The following ST6GALNAC3 variants were observed in gnomAD, a reference collection of about 807,000 sequenced individuals.
ST6GALNAC3 encodes alpha-N-acetylgalactosaminide alpha-2,6-sialyltransferase 3.
ST6GALNAC3 carries 25 observed loss-of-function variants against 32.7 expected under a neutral mutation model. The observed-to-expected ratio is 0.76, with a 90% confidence interval of 0.56 to 1.07. ST6GALNAC3 has a LOEUF of 1.07. Ranked by LOEUF, ST6GALNAC3 falls within the 50% of genes least tolerant of loss-of-function variation. The pLI is 0.00. For synonymous variants in ST6GALNAC3, 129 were observed against 133.1 expected (o/e 0.97, Z 0.21); for missense variants, 355 against 382.4 (o/e 0.93, Z 0.60).
chr1:76,532,316 G>A (rs1663310339), intron 3 of ST6GALNAC3, among the ~76,000 whole-genome samples: 1 of 152,166 alleles, frequency 6.6e-6, no homozygotes, highest in Non-Finnish European at 1.5e-5. Flanking sequence ...ACCATGTGGT[G>A]ATTATGACAA....
At chr1:76,435,973 A>G (rs1412240786) in intron 3 of ST6GALNAC3, among the ~76,000 whole-genome samples, 1 of 152,004 alleles carries the variant, frequency 6.6e-6, no homozygotes, top group Non-Finnish European at 1.5e-5. Context: ...CATCACCCAA[A>G]CAGTACACAC....
intron 2 of ST6GALNAC3, among the ~76,000 whole-genome samples, chr1:76,404,190 A>G (rs1653643696): frequency 6.6e-6 from 1 of 152,108 alleles, no homozygotes; most frequent in African/African-American, 2.4e-5. Context: ...AAATCCACAT[A>G]GAGTCAGAGC....
intron 3 of ST6GALNAC3, among the ~76,000 whole-genome samples, chr1:76,610,800 G>A (rs1210039269): frequency 6.6e-6 from 1 of 152,040 alleles, no homozygotes; most frequent in Non-Finnish European, 1.5e-5. Flanking sequence ...ACACAATTAA[G>A]GGTTTAGGCA....
At chr1:76,403,514 A>G (rs1653584547) in intron 2 of ST6GALNAC3, among the ~76,000 whole-genome samples, 1 of 152,078 alleles carries the variant, frequency 6.6e-6, no homozygotes, top group South Asian at 2.1e-4. Flanking sequence ...AAACCTAGGC[A>G]TCTATTGGAA....
At chr1:76,459,083 T>C (rs934559867) in intron 3 of ST6GALNAC3, among the ~76,000 whole-genome samples, 3 of 152,160 alleles carry the variant, frequency 2.0e-5, no homozygotes, top group Non-Finnish European at 2.9e-5. Context: ...TCCCAGCATA[T>C]TGGGAGATAT....
At chr1:76,095,478 G>A (rs554014578) in intron 1 of ST6GALNAC3, among the ~76,000 whole-genome samples, 3 of 152,280 alleles carry the variant, frequency 2.0e-5, no homozygotes, top group South Asian at 2.1e-4. Context: ...TGCAGATGGG[G>A]TGGTTGGGGA....
intron 3 of ST6GALNAC3, among the ~76,000 whole-genome samples, chr1:76,615,219 A>G (rs1354675560): frequency 6.6e-6 from 1 of 152,114 alleles, no homozygotes; most frequent in African/African-American, 2.4e-5. Context: ...GCTACCTTCA[A>G]TCCACCTTCT....
intron 1 of ST6GALNAC3, among the ~76,000 whole-genome samples, chr1:76,305,685 C>T (rs987734521): frequency 2.0e-5 from 3 of 152,040 alleles, no homozygotes; most frequent in African/African-American, 7.2e-5. Flanking sequence ...TCAGATCGGC[C>T]TTTTTTCTCT....
At chr1:76,144,302 A>G (rs1277998066) in intron 1 of ST6GALNAC3, among the ~76,000 whole-genome samples, 1 of 152,230 alleles carries the variant, frequency 6.6e-6, no homozygotes, top group African/African-American at 2.4e-5. Flanking sequence ...AAGGGCAACC[A>G]GAACATCAAA....
At chr1:76,494,743 G>GCACGCACACA (rs1660746477) in intron 3 of ST6GALNAC3, among the ~76,000 whole-genome samples, 1 of 130,332 alleles carries the variant, frequency 7.7e-6, no homozygotes, top group Non-Finnish European at 1.6e-5. Flanking sequence ...TCATGTGTAT[G>GCACGCACACA]CACACACACA....
At chr1:76,171,219 C>T (rs1357083020) in intron 1 of ST6GALNAC3, among the ~76,000 whole-genome samples, 4 of 151,824 alleles carry the variant, frequency 2.6e-5, no homozygotes, top group African/African-American at 7.3e-5. Context: ...CCTCCCACAC[C>T]CTCTTGGCAT....
At chr1:76,622,574 G>A (rs1570472043) in intron 3 of ST6GALNAC3, among the ~76,000 whole-genome samples, 2 of 151,934 alleles carry the variant, frequency 1.3e-5, no homozygotes, top group South Asian at 4.2e-4. Context: ...AGATGAGCTT[G>A]GAACAGAGGG....
intron 3 of ST6GALNAC3, among the ~76,000 whole-genome samples, chr1:76,486,238 G>T (rs569805699): frequency 6.6e-6 from 1 of 152,164 alleles, no homozygotes; most frequent in African/African-American, 2.4e-5. Flanking sequence ...TGTCTATTAG[G>T]TCTGCTTGGT....
intron 3 of ST6GALNAC3, among the ~76,000 whole-genome samples, chr1:76,505,262 A>G (rs976738417): frequency 5.9e-5 from 9 of 151,922 alleles, no homozygotes; most frequent in African/African-American, 2.2e-4. Context: ...AGCTGGGACT[A>G]CAGGTGCGTG....
intron 1 of ST6GALNAC3, among the ~76,000 whole-genome samples, chr1:76,127,494 T>G (rs1053811740): frequency 6.6e-6 from 1 of 152,206 alleles, no homozygotes; most frequent in African/African-American, 2.4e-5. Context: ...TACAATAAAT[T>G]TCATGTGTTA....
At chr1:76,236,476 CA>C (rs1235552009) in intron 1 of ST6GALNAC3, among the ~76,000 whole-genome samples, 1 of 152,196 alleles carries the variant, frequency 6.6e-6, no homozygotes, top group Non-Finnish European at 1.5e-5. Context: ...AGGATAACAA[CA>C]TAAGCAATGA....
Position 76,612,992 on chromosome 1 carries a change from G to T in ST6GALNAC3, c.624-14460G>T, listed in dbSNP as rs1177605657. Among the ~76,000 whole-genome samples the T allele has an allele frequency of 2.6e-5, 4 of 152,302 alleles. No individual in the cohort carries two copies. In the East Asian group the frequency reaches 5.8e-4, roughly 22 times the overall value. ...GTGGGGCTTTGTTGATTATGAAACTGGAAGCCATAGCAGTAAGTGGGTGCA... is the reference window on the plus strand; with the variant it reads ...GTGGGGCTTTGTTGATTATGAAACTTGAAGCCATAGCAGTAAGTGGGTGCA... On this transcript the variant is annotated intron_variant, in intron 3 of 4. Transcript: ENST00000328299.
chr1:76,620,135 C>G (rs1468114751), intron 3 of ST6GALNAC3, among the ~76,000 whole-genome samples: 1 of 151,990 alleles, frequency 6.6e-6, no homozygotes, highest in Non-Finnish European at 1.5e-5. Context: ...AGAAAGTACT[C>G]AACACATCTT....
intron 3 of ST6GALNAC3, among the ~76,000 whole-genome samples, chr1:76,434,130 G>A (rs1263294935): frequency 6.6e-6 from 1 of 152,118 alleles, no homozygotes; most frequent in East Asian, 1.9e-4. Context: ...ATAAAATGCA[G>A]CCCCCCAGAT....
Sources: allele counts gnomAD v4.1 joint callset (sites outside exome capture counted in the v4.1 genomes callset), GRCh38; gene constraint gnomAD v4.1.1; transcripts MANE v1.5; gene names NCBI Gene and HGNC (gene_info 2026-07-23, HGNC 2026-07-21).